Variants in AUTS2 observed in about 807,000 individuals in gnomAD.
The protein encoded by AUTS2 is activator of transcription and developmental regulator AUTS2.
AUTS2 carries 17 observed loss-of-function variants against 112.4 expected under a neutral mutation model. That is an observed-to-expected ratio of 0.15 (90% CI 0.10 to 0.23). The LOEUF (loss-of-function observed/expected upper bound fraction) is 0.23. Ranked by LOEUF, AUTS2 falls within the 10% of genes least tolerant of loss-of-function variation. AUTS2 has a pLI of 1.00. For synonymous variants in AUTS2, 751 were observed against 702.7 expected (o/e 1.07, Z -1.09); for missense variants, 1,510 against 1,701.6 (o/e 0.89, Z 1.98).
In AUTS2 at chr7:70,355,855, C is replaced by A. The variant is rs1472769739; in HGVS notation, c.661-79897C>A. Among the ~76,000 whole-genome samples, 3 of 152,188 alleles carry A rather than the reference C, an allele frequency of 2.0e-5. No individual in the cohort carries two copies. The East Asian group carries it at 5.8e-4, about 29-fold the overall frequency. ...AAAATCATGTGCTTCTGGAACCATGCTGCCTTACCCCTGGGACCACTGTAA... is the reference window on the plus strand; with the variant it reads ...AAAATCATGTGCTTCTGGAACCATGATGCCTTACCCCTGGGACCACTGTAA... On this transcript the variant is annotated intron_variant, in intron 4 of 18. Coordinates refer to ENST00000342771, the MANE Select transcript of AUTS2 (RefSeq NM_015570.4).
In AUTS2 at chr7:70,276,674, T is replaced by G. The variant is rs537334554; in HGVS notation, c.660+142103T>G. On this transcript the variant is annotated intron_variant, in intron 4 of 18. Transcript: ENST00000342771. The stretch of plus-strand genomic sequence containing the variant: ...GATTACAGGTGTGAGCCACTGTGCC[T>G]GGCCCAATTTTGTGACCATTTCATA... Among the ~76,000 whole-genome samples the G allele has an allele frequency of 2.2e-4, 33 of 152,270 alleles. No homozygotes were observed. In the South Asian group the frequency reaches 6.4e-3, roughly 30 times the overall value.
In AUTS2 at chr7:70,182,677, C is replaced by T. The variant is rs570477403; in HGVS notation, c.660+48106C>T. Among the ~76,000 whole-genome samples, 4 of 152,074 alleles carry T rather than the reference C, an allele frequency of 2.6e-5. No homozygotes were observed. The East Asian group carries it at 7.7e-4, about 29-fold the overall frequency. On this transcript the variant is annotated intron_variant, in intron 4 of 18. Transcript: ENST00000342771. ...AAATGTTTCTGACTCTCAATAAGTG[C>T]TTGTAGCTTACTAACCGAGCAACCA...
At position 70,680,841 on chromosome 7, in the gene AUTS2, C is replaced by A. The variant is rs1057127336; in HGVS notation, c.691-17728C>A. Among the ~76,000 whole-genome samples, 76 of 152,332 alleles carry A rather than the reference C, an allele frequency of 5.0e-4. 1 individual carries two copies. Among genetic ancestry groups the A allele is most frequent in the African/African-American group, 1.6e-3 (68 of 41,584 alleles). Reference sequence around the variant, plus strand: ...CATTGCGAGGAAAATAAATAGCATTCTTTCCCAGCAGCACAACCGAAAGTC... The same window carrying A: ...CATTGCGAGGAAAATAAATAGCATTATTTCCCAGCAGCACAACCGAAAGTC... On this transcript the variant is annotated intron_variant, in intron 5 of 18. Coordinates refer to ENST00000342771, the MANE Select transcript of AUTS2 (RefSeq NM_015570.4).
chr7:70,163,358 GCAGA>G (rs1239857133), intron 4 of AUTS2, among the ~76,000 whole-genome samples: 43 of 24,972 alleles, frequency 1.7e-3, no homozygotes, highest in Non-Finnish European at 2.6e-3. Context: ...GGGGGGGGGG[GCAGA>G]GGGGGAGGGA....
At chr7:70,627,986 C>T (rs1173504585) in intron 5 of AUTS2, among the ~76,000 whole-genome samples, 2 of 152,154 alleles carry the variant, frequency 1.3e-5, no homozygotes, top group African/African-American at 2.4e-5. Flanking sequence ...CCGGGATACT[C>T]TTTCCCCGTC....
chr7:69,946,501 G>A (rs1796815465), intron 2 of AUTS2, among the ~76,000 whole-genome samples: 1 of 151,178 alleles, frequency 6.6e-6, no homozygotes, highest in Admixed American at 6.6e-5. Flanking sequence ...GTCAAGACGT[G>A]GAAACAACCT....
intron 4 of AUTS2, among the ~76,000 whole-genome samples, chr7:70,206,807 T>C (rs1258651753): frequency 3.3e-5 from 5 of 152,220 alleles, no homozygotes; most frequent in Non-Finnish European, 7.3e-5. Flanking sequence ...TAAATACTCA[T>C]TGGAAAAACA....
chr7:70,669,316 G>T (rs1031100040), intron 5 of AUTS2, among the ~76,000 whole-genome samples: 5 of 152,114 alleles, frequency 3.3e-5, no homozygotes, highest in Admixed American at 6.5e-5. Flanking sequence ...GTGTGTTTGT[G>T]GGAACAGAAC....
At position 69,687,352 on chromosome 7, in the gene AUTS2, C is replaced by G. The variant is rs1797106272; in HGVS notation, c.309+87390C>G. ...CTGGAGAATTGTGAGAATTTTCTAACTGTTGGTGTGTGTAAGTGCAAGGTA... is the reference window on the plus strand; with the variant it reads ...CTGGAGAATTGTGAGAATTTTCTAAGTGTTGGTGTGTGTAAGTGCAAGGTA... On this transcript the variant is annotated intron_variant, in intron 1 of 18. Coordinates refer to ENST00000342771, the MANE Select transcript of AUTS2 (RefSeq NM_015570.4). Among the ~76,000 whole-genome samples the G allele has an allele frequency of 4.6e-5, 7 of 152,188 alleles. No homozygotes were observed. In the South Asian group the frequency reaches 1.2e-3, roughly 27 times the overall value.
intron 4 of AUTS2, among the ~76,000 whole-genome samples, chr7:70,431,295 T>G (rs893441954): frequency 1.1e-4 from 17 of 152,272 alleles, no homozygotes; most frequent in Non-Finnish European, 1.9e-4. Context: ...ATTATATCCT[T>G]AAGACTGGAA....
At chr7:70,050,654 T>C (rs570595725) in intron 2 of AUTS2, among the ~76,000 whole-genome samples, 1 of 152,260 alleles carries the variant, frequency 6.6e-6, no homozygotes, top group South Asian at 2.1e-4. Context: ...TACTTCTAAC[T>C]TCCCCATCCC....
intron 4 of AUTS2, among the ~76,000 whole-genome samples, chr7:70,191,937 G>T (rs1403848652): frequency 6.6e-6 from 1 of 151,824 alleles, no homozygotes; most frequent in African/African-American, 2.4e-5. Context: ...CGTGGTGGTG[G>T]GTGCCTATAA....
intron 1 of AUTS2, among the ~76,000 whole-genome samples, chr7:69,731,469 A>T (rs1786790357): frequency 6.6e-6 from 1 of 152,174 alleles, no homozygotes; most frequent in Admixed American, 6.5e-5. Context: ...AAGAAAATGT[A>T]TGTGAAATAT....
intron 8 of AUTS2, 148 bp downstream of exon 8, chr7:70,765,153 C>G (rs1789856597): frequency 2.6e-6 from 3 of 1,134,314 alleles, no homozygotes; most frequent in African/African-American, 3.1e-5. Context: ...GCTCTCTGGC[C>G]TGAGGTCCAG....
intron 1 of AUTS2, among the ~76,000 whole-genome samples, chr7:69,799,269 G>A (rs776417131): frequency 3.9e-5 from 6 of 152,038 alleles, no homozygotes; most frequent in African/African-American, 7.2e-5. Flanking sequence ...ATGCCTCCTG[G>A]TGGAACCTGG....
chr7:69,980,754 T>C (rs1798262645), intron 2 of AUTS2, among the ~76,000 whole-genome samples: 1 of 152,194 alleles, frequency 6.6e-6, no homozygotes, highest in African/African-American at 2.4e-5. Flanking sequence ...TGTCCAAGTA[T>C]CAACTCTGGA....
intron 5 of AUTS2, among the ~76,000 whole-genome samples, chr7:70,656,827 C>G (rs1585451160): frequency 6.6e-6 from 1 of 152,312 alleles, no homozygotes; most frequent in African/African-American, 2.4e-5. Context: ...CGACTAGGCC[C>G]AGATTTCTCA....
At chr7:70,715,513 T>A (rs1476626742) in intron 6 of AUTS2, among the ~76,000 whole-genome samples, 1 of 9,192 alleles carries the variant, frequency 1.1e-4, no homozygotes, top group Non-Finnish European at 2.0e-4. Flanking sequence ...TCTTTTTTTC[T>A]TTTCTTTTCT....
At chr7:70,320,847 G>A (rs559545559) in intron 4 of AUTS2, among the ~76,000 whole-genome samples, 47 of 152,252 alleles carry the variant, frequency 3.1e-4, no homozygotes, top group African/African-American at 1.1e-3. Context: ...GGTTCCAGTA[G>A]GATGGGGAAA....
Sources: gnomAD v4.1 joint callset for allele counts (sites outside exome capture counted in the v4.1 genomes callset) on GRCh38, gnomAD v4.1.1 for gene constraint, MANE v1.5 for transcripts, NCBI Gene and HGNC (gene_info 2026-07-23, HGNC 2026-07-21) for gene names.